The following COL4A6 variants were observed in gnomAD, a reference collection of about 807,000 sequenced individuals.
The protein encoded by COL4A6 is collagen alpha-6(IV) chain.
COL4A6 carries 59 observed loss-of-function variants against 126.7 expected under a neutral mutation model. The ratio of observed to expected loss-of-function variants is 0.47; its 90% CI spans 0.38 to 0.58. The LOEUF is 0.58. Among genes scored for constraint, COL4A6 ranks in the 20% least tolerant of loss-of-function variants. The pLI is 0.00. For missense variants in COL4A6, 1,285 were observed against 1,337.3 expected (o/e 0.96, Z 0.61); for synonymous variants, 547 against 496.6 (o/e 1.10, Z -1.35).
intron 3 of COL4A6, chrX:108,268,218 T>C (rs2037361871): frequency 1.8e-5 from 2 of 112,240 alleles, no homozygotes; most frequent in African/African-American, 6.5e-5. Flanking sequence ...GTATTTAAAA[T>C]GGTTCATTTA....
chrX:108,208,653 A>G (rs2035616341), intron 8 of COL4A6, among the ~76,000 whole-genome samples: 1 of 111,967 alleles, frequency 8.9e-6, no homozygotes, highest in Non-Finnish European at 1.9e-5. Context: ...AATGTTAAAC[A>G]TAAGACAGTG....
chrX:108,188,550 G>A lies in COL4A6; in HGVS notation c.1554C>T (p.Gly518=), dbSNP rs369767156. The change falls in exon 21 of 45, where the codon GGC becomes GGT. Residue 518 remains glycine, a synonymous_variant. Coordinates refer to ENST00000334504, the MANE Select transcript of COL4A6 (RefSeq NM_033641.4). ...PGLKGARGDR[G]SGGAQGPAGA... is the part of the protein sequence containing the mutation. ...CTGCTGGGCCCTGTGCACCCCCAGA[G>A]CCTCGATCTCCTCTGGCTCCTTTAA... The A allele has an allele frequency of 1.7e-5, 20 of 1,172,888 alleles. No homozygotes were observed. The highest frequency in any genetic ancestry group is 1.2e-4 in the South Asian group (6 of 49,816).
At chrX:108,379,730 C>T (rs2040523970) in intron 2 of COL4A6, among the ~76,000 whole-genome samples, 1 of 110,319 alleles carries the variant, frequency 9.1e-6, no homozygotes, top group South Asian at 3.9e-4. Context: ...TACTTCACAG[C>T]TGATGGAGAC....
chrX:108,408,746 G>T (rs943361836), intron 2 of COL4A6, among the ~76,000 whole-genome samples: 2 of 111,651 alleles, frequency 1.8e-5, no homozygotes, highest in African/African-American at 3.3e-5. Flanking sequence ...TGGATCACCT[G>T]AAGTTGGGAG....
intron 2 of COL4A6, chrX:108,383,414 AC>A (rs2040607994): frequency 4.0e-6 from 2 of 495,389 alleles, no homozygotes; most frequent in Non-Finnish European, 7.6e-6. Flanking sequence ...AGCATCCTCA[AC>A]CCTGATGGCT....
intron 5 of COL4A6, among the ~76,000 whole-genome samples, chrX:108,218,420 T>G (rs1365875854): frequency 8.9e-6 from 1 of 112,806 alleles, no homozygotes; most frequent in Non-Finnish European, 1.9e-5. Flanking sequence ...GGTCTATTTC[T>G]GGGCATTTTT....
At chrX:108,283,569 T>G (rs1396380496) in intron 3 of COL4A6, among the ~76,000 whole-genome samples, 2 of 49,441 alleles carry the variant, frequency 4.0e-5, no homozygotes, top group African/African-American at 1.2e-4. Flanking sequence ...CAGAGGGTGA[T>G]CCCCCTAAGT....
intron 2 of COL4A6, among the ~76,000 whole-genome samples, chrX:108,406,192 A>G (rs2041203125): frequency 9.0e-6 from 1 of 111,543 alleles, no homozygotes; most frequent in Non-Finnish European, 1.9e-5. Context: ...GCTGGTGTCA[A>G]ACTCCTGGAC....
At chrX:108,227,479 G>A (rs2036200943) in intron 3 of COL4A6, among the ~76,000 whole-genome samples, 1 of 109,130 alleles carries the variant, frequency 9.2e-6, no homozygotes, top group East Asian at 3.0e-4. Flanking sequence ...AGGGAGACAT[G>A]AGATATCAAT....
chrX:108,391,553 G>A (rs1476945307), intron 2 of COL4A6, among the ~76,000 whole-genome samples: 1 of 111,707 alleles, frequency 9.0e-6, no homozygotes, highest in Non-Finnish European at 1.9e-5. Context: ...GCTCCCAGTC[G>A]ACCTCAGACT....
chrX:108,391,779 T>C (rs1452893170), intron 2 of COL4A6, among the ~76,000 whole-genome samples: 3 of 112,454 alleles, frequency 2.7e-5, no homozygotes, highest in Admixed American at 9.4e-5. Flanking sequence ...CCCCGACCCC[T>C]TGTGCTTCCT....
At chrX:108,212,065 G>A (rs749842127) in intron 6 of COL4A6, among the ~76,000 whole-genome samples, 2 of 111,323 alleles carry the variant, frequency 1.8e-5, no homozygotes, top group African/African-American at 3.3e-5. Flanking sequence ...TGGAGAGTTC[G>A]CTGCTTCACC....
intron 2 of COL4A6, among the ~76,000 whole-genome samples, chrX:108,377,868 G>C (rs982312879): frequency 9.7e-6 from 1 of 103,060 alleles, no homozygotes; most frequent in Admixed American, 1.1e-4. Context: ...TGTGAACCCG[G>C]GAGGCGGAGC....
chrX:108,219,784 A>T (rs1404805017), intron 4 of COL4A6, 42 bp from the exon 5 acceptor site: 1 of 1,096,771 alleles, frequency 9.1e-7, no homozygotes, highest in Admixed American at 2.2e-5. Flanking sequence ...ACACAATCCA[A>T]CTGATGTTTG....
At chrX:108,387,462 A>G (rs1372202785) in intron 2 of COL4A6, among the ~76,000 whole-genome samples, 1 of 111,073 alleles carries the variant, frequency 9.0e-6, no homozygotes, top group Non-Finnish European at 1.9e-5. Flanking sequence ...TAGGTATTTT[A>G]TTCTGTTTGT....
chrX:108,418,619 A>G (rs1828748556), intron 2 of COL4A6, among the ~76,000 whole-genome samples: 1 of 112,354 alleles, frequency 8.9e-6, no homozygotes, highest in Non-Finnish European at 1.9e-5. Flanking sequence ...CTTTGCACTA[A>G]TGGCCATTGT....
rs2037925255 is a variant in COL4A6, at chrX:108,283,776, C to T, written c.144+26972G>A. On this transcript the variant is annotated intron_variant, in intron 3 of 44. Coordinates refer to ENST00000334504, the MANE Select transcript of COL4A6 (RefSeq NM_033641.4). Reference sequence around the variant, plus strand: ...TAAAATCTACCATGACAAAGGCATACAAAGTGACAAGAATGTATTAGACAT... The same window carrying T: ...TAAAATCTACCATGACAAAGGCATATAAAGTGACAAGAATGTATTAGACAT... Among the ~76,000 whole-genome samples, 4 of 110,955 alleles carry T rather than the reference C, an allele frequency of 3.6e-5. No homozygotes were observed. The South Asian group carries it at 1.1e-3, about 32-fold the overall frequency.
chrX:108,325,030 C>T (rs767887268), intron 2 of COL4A6, among the ~76,000 whole-genome samples: 32 of 112,283 alleles, frequency 2.8e-4, no homozygotes, highest in Non-Finnish European at 5.8e-4. Flanking sequence ...CAACTTGTCA[C>T]GTATGCCTAC....
At chrX:108,200,720 T>C (rs2035366029) in intron 13 of COL4A6, among the ~76,000 whole-genome samples, 1 of 111,256 alleles carries the variant, frequency 9.0e-6, no homozygotes, top group South Asian at 3.7e-4. Flanking sequence ...TTAACAACAA[T>C]GTACTGTATA....
Sources: allele counts gnomAD v4.1 joint callset (sites outside exome capture counted in the v4.1 genomes callset), GRCh38; gene constraint gnomAD v4.1.1; transcripts MANE v1.5; gene names NCBI Gene and HGNC (gene_info 2026-07-23, HGNC 2026-07-21).